TTC6: variants seen among roughly 807,000 people sequenced by gnomAD.
The protein encoded by TTC6 is tetratricopeptide repeat protein 6.
In TTC6, 172 loss-of-function variants were observed where a neutral mutation model predicts 210.4. The observed-to-expected ratio is 0.82, with a 90% confidence interval of 0.72 to 0.93. The LOEUF (loss-of-function observed/expected upper bound fraction) is 0.93. Ranked by LOEUF, TTC6 falls within the 40% of genes least tolerant of loss-of-function variation. The pLI is 0.00. For synonymous variants in TTC6, 804 were observed against 819.6 expected, an observed-to-expected ratio of 0.98 and a Z score of 0.32; for missense variants, 2,414 against 2,318.1, an observed-to-expected ratio of 1.04 and a Z score of -0.85.
At chr14:37,600,371 A>C (rs896178337) in intron 1 of TTC6, among the ~76,000 whole-genome samples, 30 of 152,090 alleles carry the variant, frequency 2.0e-4, no homozygotes, top group Non-Finnish European at 2.4e-4. Context: ...GGCTTGGAAA[A>C]GTCAACTATT....
intron 14 of TTC6, among the ~76,000 whole-genome samples, chr14:37,770,397 G>A (rs1307221225): frequency 9.9e-5 from 15 of 152,228 alleles, no homozygotes; most frequent in Admixed American, 6.5e-4. Flanking sequence ...AATGTTGACC[G>A]TGGGGTGTTA....
At chr14:37,789,535 G>A (rs2096074663) in intron 15 of TTC6, among the ~76,000 whole-genome samples, 1 of 149,874 alleles carries the variant, frequency 6.7e-6, no homozygotes. Flanking sequence ...CATTCGCATT[G>A]TGGATCAAGT....
At chr14:37,600,788 T>C (rs961117404) in intron 1 of TTC6, among the ~76,000 whole-genome samples, 3 of 152,210 alleles carry the variant, frequency 2.0e-5, no homozygotes, top group South Asian at 2.1e-4. Flanking sequence ...TAAAATTCGA[T>C]TGGAGAGCAC....
rs574892697 is a variant in TTC6, at chr14:37,774,215, A to G, written c.3267-13253A>G. Among the ~76,000 whole-genome samples, 3 of 152,274 alleles carry G rather than the reference A, an allele frequency of 2.0e-5. No individual in the cohort carries two copies. The South Asian group carries it at 6.2e-4, about 32-fold the overall frequency. ...AATCATATCATCTGGAAATAGGGAT[A>G]GTTTGACTTCTTCTCATCCTATTTG... On this transcript the variant is annotated intron_variant, in intron 14 of 30. Coordinates refer to ENST00000553443, the Ensembl canonical transcript of TTC6.
chr14:37,841,646 C>G (rs1255120671), exon 30 of TTC6: 2 of 1,604,636 alleles, frequency 1.2e-6, no homozygotes, highest in Non-Finnish European at 1.7e-6. Flanking sequence ...GCAATATGAA[C>G]TAGCTGAGGA....
chr14:37,737,909 T>C (rs1415149166), intron 9 of TTC6, among the ~76,000 whole-genome samples, 175 bp downstream of exon 11: 2 of 151,928 alleles, frequency 1.3e-5, no homozygotes, highest in East Asian at 1.9e-4. Flanking sequence ...TTGCAGATGG[T>C]CAATATCTCT....
Position 37,736,022 on chromosome 14 carries a change from T to C in TTC6, c.1908+12T>C. 1 of 1,422,154 alleles carries C rather than the reference T, an allele frequency of 7.0e-7. No homozygotes were observed. Among genetic ancestry groups the C allele is most frequent in the Non-Finnish European group, 9.6e-7 (1 of 1,046,592 alleles). The allele number at this position is 1,422,154 out of a possible 1,614,324, so 88.1% of individuals were successfully genotyped here. A position where few individuals can be genotyped will look rare whatever the true frequency, so the allele number is the denominator to read the frequency against. On this transcript the variant is annotated intron_variant, in intron 8 of 30. Coordinates refer to ENST00000553443, the Ensembl canonical transcript of TTC6. The stretch of plus-strand genomic sequence containing the variant: ...GAACAAATTTTTGGGTATGTACAAT[T>C]TTTGTTCTTAATTAGGATTGTTTAC...
At chr14:37,608,306 G>GTT (rs1349143594) in intron 2 of TTC6, among the ~76,000 whole-genome samples, 2 of 152,002 alleles carry the variant, frequency 1.3e-5, no homozygotes, top group South Asian at 2.1e-4. Flanking sequence ...GTGTGTGTGT[G>GTT]TTTTTGTTGT....
At chr14:37,692,722 G>A (rs144380621) in intron 3 of TTC6, among the ~76,000 whole-genome samples, 125 of 152,038 alleles carry the variant, frequency 8.2e-4, no homozygotes, top group African/African-American at 2.9e-3. Flanking sequence ...AGCCAGATAT[G>A]GTGGTGCCTT....
intron 1 of TTC6, among the ~76,000 whole-genome samples, chr14:37,657,053 TACTAAAAA>T (rs1291841101): frequency 6.6e-6 from 1 of 151,538 alleles, no homozygotes; most frequent in African/African-American, 2.4e-5. Context: ...CTATTAAAAA[TACTAAAAA>T]ATTAGCCAGG....
chr14:37,818,893 T>C (rs1020804712), intron 26 of TTC6, among the ~76,000 whole-genome samples: 7 of 152,178 alleles, frequency 4.6e-5, no homozygotes, highest in African/African-American at 1.7e-4. Context: ...AGACCAAAAG[T>C]GTCCGAGCTT....
At chr14:37,781,300 G>C (rs1344244944) in intron 14 of TTC6, among the ~76,000 whole-genome samples, 2 of 152,088 alleles carry the variant, frequency 1.3e-5, no homozygotes, top group Non-Finnish European at 2.9e-5. Context: ...GTTGTTTCCT[G>C]ACTTTTTAAT....
chr14:37,831,757 C>A (rs57707466), intron 29 of TTC6, among the ~76,000 whole-genome samples: 5,216 of 31,414 alleles, frequency 0.17, 303 homozygotes, highest in African/African-American at 0.27. Context: ...CTTTTCAGAT[C>A]ATTGCCCACT....
chr14:37,700,850 A>T (rs1328099824), intron 4 of TTC6, among the ~76,000 whole-genome samples: 2 of 151,202 alleles, frequency 1.3e-5, no homozygotes, highest in African/African-American at 4.9e-5. Flanking sequence ...GGGAAAGGAG[A>T]TGCCACACTG....
At chr14:37,798,712 A>C (rs1326480922) in intron 20 of TTC6, among the ~76,000 whole-genome samples, 8 of 152,078 alleles carry the variant, frequency 5.3e-5, no homozygotes, top group Admixed American at 3.9e-4. Flanking sequence ...ACTAAGAATG[A>C]AGTTTGGGAT....
chr14:37,837,188 T>C lies in TTC6; in HGVS notation c.5299-4257T>C, dbSNP rs905675462. 1.2e-5 allele frequency: 3 copies of C among 254,700 alleles called. No individual in the cohort carries two copies. The Admixed American group carries it at 1.6e-4, about 14-fold the overall frequency. The allele number at this position is 254,700 out of a possible 1,614,324, so 15.8% of individuals were successfully genotyped here. On this transcript the variant is annotated intron_variant, in intron 29 of 30. Coordinates refer to ENST00000553443, the Ensembl canonical transcript of TTC6. ...GAAGCTATAGTAGAAAGTTACACAG[T>C]TCAAAGTTCTTTTCTCTTACCTGAG...
intron 1 of TTC6, among the ~76,000 whole-genome samples, chr14:37,678,485 G>A (rs2095775327): frequency 6.6e-6 from 1 of 152,112 alleles, no homozygotes; most frequent in Non-Finnish European, 1.5e-5. Flanking sequence ...GCCGATTTCT[G>A]GAGCTCTTTC....
At chr14:37,842,040 A>G in intron 30 of TTC6, 115 bp from the exon 33 acceptor site, 1 of 892,012 alleles carries the variant, frequency 1.1e-6, no homozygotes, top group Non-Finnish European at 1.6e-6. Flanking sequence ...AAAGTTCTTG[A>G]TTTCATCCAT....
At chr14:37,744,625 C>G (rs568537289) in intron 10 of TTC6, among the ~76,000 whole-genome samples, 2 of 152,232 alleles carry the variant, frequency 1.3e-5, no homozygotes, top group South Asian at 4.2e-4. Context: ...CCATGTGGTG[C>G]CTTGCAGGCC....
Sources: gnomAD v4.1 joint callset for allele counts (sites outside exome capture counted in the v4.1 genomes callset) on GRCh38, gnomAD v4.1.1 for gene constraint, MANE v1.5 for transcripts, NCBI Gene and HGNC (gene_info 2026-07-23, HGNC 2026-07-21) for gene names.